ZPLD1: variants seen among roughly 807,000 people sequenced by gnomAD.
ZPLD1 encodes zona pellucida like domain containing 1, also known as zona pellucida-like domain-containing protein 1.
Under a neutral mutation model 47.2 loss-of-function variants are expected in ZPLD1, and 34 were observed. The observed-to-expected ratio is 0.72, with a 90% CI of 0.55 to 0.96. ZPLD1 has a LOEUF of 0.96. Ranked by LOEUF, ZPLD1 falls within the 40% of genes least tolerant of loss-of-function variation. The pLI is 0.00. For synonymous variants in ZPLD1, 176 were observed against 186.2 expected (o/e 0.95, Z 0.45); for missense variants, 512 against 505.8 (o/e 1.01, Z -0.12).
At chr3:102,411,948 T>C (rs1706751702) in intron 7 of ZPLD1, among the ~76,000 whole-genome samples, 1 of 151,712 alleles carries the variant, frequency 6.6e-6, no homozygotes, top group Non-Finnish European at 1.5e-5. Flanking sequence ...TATGCAATTG[T>C]GGGGAAGTCC....
intron 7 of ZPLD1, among the ~76,000 whole-genome samples, chr3:102,414,770 C>G: frequency 6.7e-6 from 1 of 149,264 alleles, no homozygotes; most frequent in South Asian, 2.1e-4. Context: ...TGAAAATACC[C>G]AAAAAAAACA....
chr3:102,416,133 A>T (rs1706801721), intron 7 of ZPLD1, among the ~76,000 whole-genome samples: 1 of 151,920 alleles, frequency 6.6e-6, no homozygotes, highest in South Asian at 2.1e-4. Context: ...TTTTCCAATA[A>T]CTGGTAAAAT....
chr3:102,424,372 T>C (rs1222489387), intron 8 of ZPLD1, among the ~76,000 whole-genome samples: 2 of 152,186 alleles, frequency 1.3e-5, no homozygotes, highest in Non-Finnish European at 2.9e-5. Context: ...CCTATATCTA[T>C]TCCCTCTAAT....
chr3:102,478,309 G>A lies in ZPLD1; in HGVS notation c.*691G>A, dbSNP rs904123992. Reference sequence around the variant, plus strand: ...TATTCATTAGAATAGGAATGGCTGCGATCAGTTTTCTTCTTCTGGTTCAGG... The same window carrying A: ...TATTCATTAGAATAGGAATGGCTGCAATCAGTTTTCTTCTTCTGGTTCAGG... On this transcript the variant is annotated 3_prime_UTR_variant, in exon 12 of 12. Transcript: ENST00000466937. The A allele has an allele frequency of 3.9e-5, 6 of 152,182 alleles. No homozygotes were observed. The highest frequency in any genetic ancestry group is 1.2e-4 in the African/African-American group (5 of 41,426). 9.4% of individuals were successfully genotyped at this position (152,182 alleles called of 1,614,324 possible). A position where few individuals can be genotyped will look rare whatever the true frequency, so the allele number is the denominator to read the frequency against.
At chr3:102,390,459 A>G (rs987306859) in intron 6 of ZPLD1, among the ~76,000 whole-genome samples, 10 of 152,346 alleles carry the variant, frequency 6.6e-5, no homozygotes, top group African/African-American at 2.4e-4. Context: ...CCATAAAAAC[A>G]TATCCTAAAA....
chr3:102,464,169 A>G lies in ZPLD1; in HGVS notation c.681-2A>G. Reference sequence around the variant, plus strand: ...AGATTATGTTTGCTTACATTCTTTCAGATGGAATGTTTTAATGGATTATTG... The same window carrying G: ...AGATTATGTTTGCTTACATTCTTTCGGATGGAATGTTTTAATGGATTATTG... On this transcript the variant is annotated splice_acceptor_variant, in intron 7 of 11. Transcript: ENST00000466937. LOFTEE classifies it high-confidence loss of function. 1 of 1,604,490 alleles carries G rather than the reference A, an allele frequency of 6.2e-7. No homozygotes were observed. Among genetic ancestry groups the G allele is most frequent in the Non-Finnish European group, 8.5e-7 (1 of 1,171,830 alleles).
At chr3:102,396,176 G>C (rs1305202211) in intron 7 of ZPLD1, among the ~76,000 whole-genome samples, 1 of 152,130 alleles carries the variant, frequency 6.6e-6, no homozygotes, top group Non-Finnish European at 1.5e-5. Flanking sequence ...CGCAATGCAT[G>C]AATCAGCCGT....
chr3:102,444,041 G>C (rs1373339012), intron 3 of ZPLD1, among the ~76,000 whole-genome samples: 1 of 152,212 alleles, frequency 6.6e-6, no homozygotes, highest in Non-Finnish European at 1.5e-5. Flanking sequence ...AAGTGCAGTG[G>C]AGAAGATAGC....
At chr3:102,447,708 T>G (rs1309813966) in intron 3 of ZPLD1, among the ~76,000 whole-genome samples, 2 of 152,208 alleles carry the variant, frequency 1.3e-5, no homozygotes, top group African/African-American at 4.8e-5. Flanking sequence ...CTCAGTTGAA[T>G]GCTGTTAGAT....
chr3:102,428,857 G>A (rs182012233), intron 8 of ZPLD1, among the ~76,000 whole-genome samples: 2 of 151,650 alleles, frequency 1.3e-5, no homozygotes, highest in South Asian at 2.1e-4. Flanking sequence ...AAGACTAACC[G>A]GTTACTTAAG....
chr3:102,464,374 C>T (rs1197714885), intron 8 of ZPLD1, 123 bp downstream of exon 8: 7 of 659,816 alleles, frequency 1.1e-5, no homozygotes, highest in African/African-American at 1.9e-5. Flanking sequence ...TCAAGTTTTA[C>T]ATTTTGAACT....
At chr3:102,469,499 G>T (rs1707649575) in intron 9 of ZPLD1, among the ~76,000 whole-genome samples, 2 of 152,234 alleles carry the variant, frequency 1.3e-5, no homozygotes, top group Non-Finnish European at 2.9e-5. Flanking sequence ...AGGAGAGGTT[G>T]AGAGGATTGT....
chr3:102,418,600 T>G (rs1706838846), intron 8 of ZPLD1, among the ~76,000 whole-genome samples: 1 of 151,962 alleles, frequency 6.6e-6, no homozygotes, highest in Non-Finnish European at 1.5e-5. Context: ...GCTTCAGACA[T>G]GAATTCCAGC....
chr3:102,398,334 G>C (rs1055732261), intron 7 of ZPLD1, among the ~76,000 whole-genome samples: 2 of 152,056 alleles, frequency 1.3e-5, no homozygotes, highest in Non-Finnish European at 2.9e-5. Context: ...CAGAGGTCTA[G>C]GGAATTAGCG....
rs1445594334 is a variant in ZPLD1, at chr3:102,457,629, C to G, written c.510-152C>G. On this transcript the variant is annotated intron_variant, in intron 5 of 11. Transcript: ENST00000466937. Reference sequence around the variant, plus strand: ...CCCTCTTGCTTTTTTAGTATTTTATCTGTTCAGAGATTTAAACAGTATAGC... The same window carrying G: ...CCCTCTTGCTTTTTTAGTATTTTATGTGTTCAGAGATTTAAACAGTATAGC... 9.3e-6 allele frequency: 5 copies of G among 537,328 alleles called. No homozygotes were observed. The South Asian group carries it at 1.0e-4, about 11-fold the overall frequency. 33.3% of individuals were successfully genotyped at this position (537,328 alleles called of 1,614,324 possible).
intron 6 of ZPLD1, among the ~76,000 whole-genome samples, chr3:102,459,803 T>C (rs752479725): frequency 1.3e-5 from 2 of 152,140 alleles, no homozygotes; most frequent in African/African-American, 2.4e-5. Flanking sequence ...CTTGTGTTAG[T>C]GTGAAACATT....
chr3:102,459,022 G>C (rs570778781), intron 6 of ZPLD1, among the ~76,000 whole-genome samples: 4 of 149,430 alleles, frequency 2.7e-5, no homozygotes, highest in Admixed American at 2.7e-4. Flanking sequence ...CCCGGGAGGC[G>C]GAGGTTGCAG....
At chr3:102,444,911 G>T (rs1459741016) in intron 3 of ZPLD1, among the ~76,000 whole-genome samples, 1 of 152,130 alleles carries the variant, frequency 6.6e-6, no homozygotes, top group Non-Finnish European at 1.5e-5. Context: ...CCTCCTGCCT[G>T]CTCACTGTGG....
At chr3:102,470,292 A>G (rs1250800547) in intron 9 of ZPLD1, 102 bp from the exon 10 acceptor site, 1 of 788,536 alleles carries the variant, frequency 1.3e-6, no homozygotes, top group African/African-American at 1.7e-5. Context: ...GAATAAAATT[A>G]AACATGTGGT....
Sources: allele counts gnomAD v4.1 joint callset (sites outside exome capture counted in the v4.1 genomes callset), GRCh38; gene constraint gnomAD v4.1.1; transcripts MANE v1.5; gene names NCBI Gene and HGNC (gene_info 2026-07-23, HGNC 2026-07-21).